SV2C: variants seen among roughly 807,000 people sequenced by gnomAD.
SV2C encodes the protein solute carrier family 22 member B3.
In SV2C, 49 loss-of-function variants were observed where a neutral mutation model predicts 79.7. The observed-to-expected ratio is 0.61, with a 90% CI of 0.49 to 0.78. The LOEUF (loss-of-function observed/expected upper bound fraction) is 0.78. SV2C is among the 30% of genes least tolerant of loss of function. The pLI is 0.00. For synonymous variants in SV2C, 334 were observed against 333.2 expected, an observed-to-expected ratio of 1.00 and a Z score of -0.03; for missense variants, 833 against 912.9, an observed-to-expected ratio of 0.91 and a Z score of 1.13.
At chr5:75,875,974 G>A in the SV2C span, among the ~76,000 whole-genome samples, 94 of 151,936 alleles carry the variant, frequency 6.2e-4, no homozygotes, top group African/African-American at 2.2e-3. Context: ...CACACTGTTG[G>A]TGGGAGTGTA....
the SV2C span, among the ~76,000 whole-genome samples, chr5:76,043,701 ATTAT>A: frequency 6.6e-6 from 1 of 152,162 alleles, no homozygotes; most frequent in Admixed American, 6.5e-5. Context: ...TATAACTTTA[ATTAT>A]TTATTTTTAA....
At chr5:76,325,338 C>T in intron 12 of SV2C, 26 bp from the exon 13 acceptor site, 1 of 1,611,254 alleles carries the variant, frequency 6.2e-7, no homozygotes, top group Non-Finnish European at 8.5e-7. Flanking sequence ...TTTTCTCAAC[C>T]TTGTTCATGT....
At chr5:75,911,240 A>T in the SV2C span, 1 of 1,541,930 alleles carries the variant, frequency 6.5e-7, no homozygotes, top group Non-Finnish European at 9.0e-7. Context: ...GGGAGTGGCA[A>T]GTCCCAGGAG....
chr5:76,186,283 G>A (rs10068994), intron 2 of SV2C, among the ~76,000 whole-genome samples: 105,637 of 152,132 alleles, frequency 0.69, 37,966 homozygotes, highest in East Asian at 0.91. Context: ...TTCCAAAGTC[G>A]TTTCCACATT....
chr5:76,344,923 C>A (rs994284761), intron 12 of SV2C, among the ~76,000 whole-genome samples: 1 of 152,134 alleles, frequency 6.6e-6, no homozygotes, highest in Non-Finnish European at 1.5e-5. Flanking sequence ...TGACTTGTCC[C>A]AAAATGCACA....
chr5:76,136,503 A>T (rs1295580368), intron 2 of SV2C, among the ~76,000 whole-genome samples: 1 of 151,222 alleles, frequency 6.6e-6, no homozygotes, highest in East Asian at 1.9e-4. Context: ...TGACAAATAC[A>T]CTTGTGATAA....
the SV2C span, among the ~76,000 whole-genome samples, chr5:75,901,833 G>A: frequency 6.6e-6 from 1 of 152,260 alleles, no homozygotes; most frequent in African/African-American, 2.4e-5. Flanking sequence ...CTTGCAGTTT[G>A]ATCTCAGACT....
At chr5:76,176,829 A>G (rs1743544320) in intron 2 of SV2C, among the ~76,000 whole-genome samples, 1 of 152,218 alleles carries the variant, frequency 6.6e-6, no homozygotes, top group South Asian at 2.1e-4. Context: ...TAAAACTGAA[A>G]GTAGAGGCCG....
the SV2C span, among the ~76,000 whole-genome samples, chr5:76,006,037 C>T: frequency 1.3e-5 from 2 of 152,172 alleles, no homozygotes; most frequent in Non-Finnish European, 2.9e-5. Flanking sequence ...CGTCTGTTTC[C>T]TCAACCACGG....
the SV2C span, among the ~76,000 whole-genome samples, chr5:75,851,184 T>C: frequency 1.3e-5 from 2 of 152,320 alleles, no homozygotes; most frequent in Admixed American, 1.3e-4. Flanking sequence ...CAGCAGAAAT[T>C]ATCATCTAAC....
chr5:75,881,990 G>A, the SV2C span, among the ~76,000 whole-genome samples: 1 of 149,314 alleles, frequency 6.7e-6, no homozygotes, highest in African/African-American at 2.5e-5. Context: ...CTGATTTATT[G>A]AGAGTTTTTA....
chr5:76,085,190 T>C (rs1312868323), intron 1 of SV2C, among the ~76,000 whole-genome samples: 1 of 152,224 alleles, frequency 6.6e-6, no homozygotes, highest in Non-Finnish European at 1.5e-5. Flanking sequence ...TGGGAAGTTT[T>C]CATGTGAACG....
the SV2C span, among the ~76,000 whole-genome samples, chr5:76,050,840 A>T: frequency 6.6e-6 from 1 of 152,178 alleles, no homozygotes; most frequent in African/African-American, 2.4e-5. Context: ...GAAGGATGTG[A>T]TTTTCTTCCT....
the SV2C span, among the ~76,000 whole-genome samples, chr5:75,935,037 G>A: frequency 6.6e-6 from 1 of 151,896 alleles, no homozygotes; most frequent in Non-Finnish European, 1.5e-5. Flanking sequence ...TACAAGAAAT[G>A]TTGCTATTTT....
chr5:76,208,606 G>A (rs1160755868), intron 3 of SV2C, among the ~76,000 whole-genome samples: 1 of 152,098 alleles, frequency 6.6e-6, no homozygotes, highest in African/African-American at 2.4e-5. Context: ...CATATCAAAG[G>A]CTCTAAGAAA....
At chr5:75,968,587 T>A in the SV2C span, among the ~76,000 whole-genome samples, 1 of 152,056 alleles carries the variant, frequency 6.6e-6, no homozygotes, top group Non-Finnish European at 1.5e-5. Context: ...CAATGGAAGA[T>A]GAAATGAATG....
At chr5:75,975,953 A>G in the SV2C span, among the ~76,000 whole-genome samples, 25 of 152,166 alleles carry the variant, frequency 1.6e-4, no homozygotes, top group Non-Finnish European at 3.1e-4. Flanking sequence ...ATCATTAGCT[A>G]TAATCTCAAG....
At chr5:75,968,872 G>A in the SV2C span, among the ~76,000 whole-genome samples, 1 of 152,096 alleles carries the variant, frequency 6.6e-6, no homozygotes, top group South Asian at 2.1e-4. Context: ...ACACATAATT[G>A]TCAGATTCAC....
At chr5:75,871,954 G>A in the SV2C span, among the ~76,000 whole-genome samples, 2 of 146,936 alleles carry the variant, frequency 1.4e-5, no homozygotes, top group Admixed American at 6.8e-5. Flanking sequence ...CATGTGCCAT[G>A]CTAGTACACA....
Sources: gnomAD v4.1 joint callset for allele counts (sites outside exome capture counted in the v4.1 genomes callset) on GRCh38, gnomAD v4.1.1 for gene constraint, MANE v1.5 for transcripts, NCBI Gene and HGNC (gene_info 2026-07-23, HGNC 2026-07-21) for gene names.